SAMD3: variants seen among roughly 807,000 people sequenced by gnomAD.
SAMD3 encodes the protein sterile alpha motif domain containing 3.
A neutral mutation model predicts 58.5 loss-of-function variants in SAMD3; 63 were observed. The ratio of observed to expected loss-of-function variants is 1.08; its 90% CI spans 0.88 to 1.33. The LOEUF (loss-of-function observed/expected upper bound fraction) is 1.33, where lower values mean the gene tolerates loss of function less well. Among genes scored for constraint, SAMD3 ranks in the 40% most tolerant of loss-of-function variants. SAMD3 has a pLI of 0.00. For missense variants in SAMD3, 604 were observed against 608.4 expected (o/e 0.99, Z 0.08); for synonymous variants, 220 against 210.3 (o/e 1.05, Z -0.40).
chr6:130,322,032 A>G (rs1038895290), intron 1 of SAMD3, among the ~76,000 whole-genome samples: 1 of 152,064 alleles, frequency 6.6e-6, no homozygotes, highest in Admixed American at 6.5e-5. Flanking sequence ...GAAGACAACT[A>G]CCTCTCTGGT....
At chr6:130,209,777 G>A (rs941044933) in intron 4 of SAMD3, among the ~76,000 whole-genome samples, 169 bp from the exon 5 acceptor site, 4 of 152,322 alleles carry the variant, frequency 2.6e-5, no homozygotes, top group Non-Finnish European at 4.4e-5. Context: ...CCCCTCTGGC[G>A]TCATCTAATT....
intron 2 of SAMD3, among the ~76,000 whole-genome samples, chr6:130,307,149 T>C (rs1775936572): frequency 6.6e-6 from 1 of 152,250 alleles, no homozygotes; most frequent in African/African-American, 2.4e-5. Flanking sequence ...TACACATATC[T>C]AAACTTACAC....
intron 1 of SAMD3, among the ~76,000 whole-genome samples, chr6:130,318,238 G>C (rs1776453759): frequency 6.6e-6 from 1 of 152,058 alleles, no homozygotes; most frequent in African/African-American, 2.4e-5. Context: ...TACAGCTAAA[G>C]TCAGGCCTGG....
At chr6:130,214,814 GA>G (rs746161339) in intron 3 of SAMD3, among the ~76,000 whole-genome samples, 6 of 151,342 alleles carry the variant, frequency 4.0e-5, no homozygotes, top group African/African-American at 1.2e-4. Flanking sequence ...TTTTTATAAG[GA>G]AAAAAAACTT....
At chr6:130,308,990 A>G (rs1470238728) in intron 2 of SAMD3, among the ~76,000 whole-genome samples, 2 of 152,280 alleles carry the variant, frequency 1.3e-5, no homozygotes, top group East Asian at 1.9e-4. Flanking sequence ...TAACTTCACC[A>G]AGTTGGTGAA....
At chr6:130,187,857 T>C (rs955032189) in intron 5 of SAMD3, among the ~76,000 whole-genome samples, 2 of 152,082 alleles carry the variant, frequency 1.3e-5, no homozygotes, top group Admixed American at 6.6e-5. Context: ...AAGCAACAGA[T>C]CTCTAACCCA....
intron 5 of SAMD3, among the ~76,000 whole-genome samples, chr6:130,196,994 CCT>C (rs1794187673): frequency 6.6e-6 from 1 of 152,136 alleles, no homozygotes; most frequent in African/African-American, 2.4e-5. Flanking sequence ...TTCAGTGAAA[CCT>C]TTATATCCCT....
At chr6:130,266,276 A>G (rs1375989213) in intron 2 of SAMD3, among the ~76,000 whole-genome samples, 1 of 152,198 alleles carries the variant, frequency 6.6e-6, no homozygotes, top group Non-Finnish European at 1.5e-5. Context: ...TTAGCTGAGC[A>G]TGTAGCCCAG....
chr6:130,365,400 C>G, exon 1 of SAMD3: 2 of 985,486 alleles, frequency 2.0e-6, no homozygotes, highest in Non-Finnish European at 2.4e-6. Flanking sequence ...GAAGCGTGGA[C>G]GGAGCGGGCC....
At chr6:130,314,270 T>G (rs1217258051) in intron 1 of SAMD3, among the ~76,000 whole-genome samples, 1 of 152,186 alleles carries the variant, frequency 6.6e-6, no homozygotes, top group Non-Finnish European at 1.5e-5. Flanking sequence ...ATCTGTTCAA[T>G]AAAAGCAACA....
chr6:130,151,285 G>T (rs1582719007), intron 9 of SAMD3, among the ~76,000 whole-genome samples: 1 of 151,636 alleles, frequency 6.6e-6, no homozygotes, highest in East Asian at 1.9e-4. Flanking sequence ...CAAGGATCAG[G>T]GTCCTGCATT....
At chr6:130,153,957 A>G (rs1025996670) in intron 9 of SAMD3, among the ~76,000 whole-genome samples, 3 of 151,844 alleles carry the variant, frequency 2.0e-5, no homozygotes, top group Non-Finnish European at 4.4e-5. Flanking sequence ...GATTACAGGC[A>G]TGAGCCACCA....
chr6:130,275,438 A>T (rs1419704779), intron 2 of SAMD3, among the ~76,000 whole-genome samples: 2 of 152,188 alleles, frequency 1.3e-5, no homozygotes, highest in Non-Finnish European at 1.5e-5. Context: ...CAGTTCAGAA[A>T]TCTATTTGTC....
chr6:130,153,766 C>G (rs1222577867), intron 9 of SAMD3, among the ~76,000 whole-genome samples: 1 of 151,302 alleles, frequency 6.6e-6, no homozygotes, highest in Middle Eastern at 3.2e-3. Flanking sequence ...CCTTGACCTC[C>G]CCAGGTTTAG....
chr6:130,240,920 A>G (rs1270389151), intron 2 of SAMD3, among the ~76,000 whole-genome samples: 1 of 152,170 alleles, frequency 6.6e-6, no homozygotes, highest in Non-Finnish European at 1.5e-5. Flanking sequence ...CATGAAACAA[A>G]GACAGTGAAC....
chr6:130,227,925 G>C (rs6569667), upstream of SAMD3, among the ~76,000 whole-genome samples: 1 of 151,930 alleles, frequency 6.6e-6, no homozygotes, highest in Non-Finnish European at 1.5e-5. Context: ...AAATGGAAAC[G>C]AGAGAATTTC....
rs766078214 is a variant in SAMD3 at position 130,323,802 on chromosome 6, CAAAAAAAAAA to C, written c.-303-10719_-303-10710del. Among the ~76,000 whole-genome samples the C allele has an allele frequency of 1.9e-4, 10 of 53,544 alleles. No individual in the cohort carries two copies. The South Asian group carries it at 6.9e-3, about 37-fold the overall frequency. The allele number at this position is 53,544 out of a possible 152,430, so 35.1% of individuals were successfully genotyped here. ...TGGGTCACAGAGGTAGACTCTGTCT[CAAAAAAAAAA>C]AAAAAAAAAAAAAGAATTTCCCATC... On this transcript the variant is annotated intron_variant, in intron 1 of 13. Transcript: ENST00000368134.
chr6:130,205,638 A>G (rs1484709783), intron 5 of SAMD3, among the ~76,000 whole-genome samples: 2 of 152,178 alleles, frequency 1.3e-5, no homozygotes, highest in Non-Finnish European at 2.9e-5. Flanking sequence ...TTGAGCCTCT[A>G]TGTGTGAGGA....
At chr6:130,267,227 G>C (rs1485468411) in intron 2 of SAMD3, among the ~76,000 whole-genome samples, 2 of 152,160 alleles carry the variant, frequency 1.3e-5, no homozygotes, top group Non-Finnish European at 2.9e-5. Context: ...TTTGATCCTG[G>C]GGCCATGTTT....
Sources: allele counts gnomAD v4.1 joint callset (sites outside exome capture counted in the v4.1 genomes callset), GRCh38; gene constraint gnomAD v4.1.1; transcripts MANE v1.5; gene names NCBI Gene and HGNC (gene_info 2026-07-23, HGNC 2026-07-21).